RASSF3: variants seen among roughly 807,000 people sequenced by gnomAD.
RASSF3 encodes Ras association domain family member 3.
RASSF3 carries 19 observed loss-of-function variants against 19.9 expected under a neutral mutation model. That is an observed-to-expected ratio of 0.96 (90% confidence interval 0.67 to 1.40). RASSF3 has a LOEUF of 1.40. Ranked by LOEUF, RASSF3 falls within the 40% of genes most tolerant of loss-of-function variation. RASSF3 has a pLI of 0.00. For missense variants in RASSF3, 306 were observed against 289.8 expected (o/e 1.06, Z -0.41); for synonymous variants, 110 against 104.2 (o/e 1.06, Z -0.34).
chr12:64,559,027 G>A (rs1421790419), intron 2 of RASSF3, among the ~76,000 whole-genome samples: 1 of 152,078 alleles, frequency 6.6e-6, no homozygotes, highest in African/African-American at 2.4e-5. Flanking sequence ...TAGTCATACT[G>A]GTGATTGTGG....
At chr12:64,589,870 C>A (rs1049219993) in intron 2 of RASSF3, among the ~76,000 whole-genome samples, 1 of 151,762 alleles carries the variant, frequency 6.6e-6, no homozygotes, top group African/African-American at 2.4e-5. Flanking sequence ...GGCATGGTGG[C>A]ACGTGCCTGT....
intron 1 of RASSF3, chr12:64,622,379 A>G (rs1870808847): frequency 2.2e-6 from 1 of 462,798 alleles, no homozygotes; most frequent in African/African-American, 2.1e-5. Flanking sequence ...TTATTTTGTA[A>G]GTATACTAGG....
Position 64,678,197 on chromosome 12 carries a change from A to C in RASSF3, c.112-6590A>C, listed in dbSNP as rs118157024. On this transcript the variant is annotated intron_variant, in intron 1 of 4. Transcript: ENST00000542104. ...TGCTCCAATAAATGTGATGTTTTAC[A>C]TGTGAAAGGTGCTTGATGTTTTGCT... 6.7e-3 allele frequency among the ~76,000 whole-genome samples: 1,024 copies of C among 152,332 alleles called. 4 individuals are homozygous for C. Among genetic ancestry groups the C allele is most frequent in the Non-Finnish European group, 0.011 (760 of 68,030 alleles).
At chr12:64,536,200 C>T (rs1868824253) in intron 1 of RASSF3, among the ~76,000 whole-genome samples, 2 of 151,252 alleles carry the variant, frequency 1.3e-5, no homozygotes, top group South Asian at 4.2e-4. Context: ...GGGGTTTCAC[C>T]TTAGTAGTGA....
At chr12:64,520,555 C>T (rs61933216) in intron 1 of RASSF3, among the ~76,000 whole-genome samples, 110 of 86,338 alleles carry the variant, frequency 1.3e-3, no homozygotes, top group African/African-American at 3.1e-3. Flanking sequence ...CACATACACA[C>T]ATATATATAT....
chr12:64,658,524 A>T (rs1314544841), intron 1 of RASSF3, among the ~76,000 whole-genome samples: 1 of 152,230 alleles, frequency 6.6e-6, no homozygotes, highest in Non-Finnish European at 1.5e-5. Flanking sequence ...GAATTACGGC[A>T]GGCACAGTGG....
At chr12:64,645,018 G>C (rs1183351379) in intron 1 of RASSF3, among the ~76,000 whole-genome samples, 1 of 151,984 alleles carries the variant, frequency 6.6e-6, no homozygotes, top group Non-Finnish European at 1.5e-5. Context: ...CCATGATCAC[G>C]CCACTGCACT....
intron 2 of RASSF3, among the ~76,000 whole-genome samples, chr12:64,576,280 G>A (rs1038787744): frequency 3.3e-5 from 5 of 152,096 alleles, no homozygotes; most frequent in African/African-American, 1.2e-4. Context: ...CAAACGTGGT[G>A]CCCTTGAATG....
At chr12:64,545,957 G>A (rs1046462296), downstream of RASSF3, among the ~76,000 whole-genome samples, 2 of 151,836 alleles carry the variant, frequency 1.3e-5, no homozygotes, top group African/African-American at 4.8e-5. Flanking sequence ...TTAGCGGGAC[G>A]TGGCAGCAGG....
rs1026212728 is a variant in RASSF3 at position 64,586,922 on chromosome 12, C to CA, written c.294+45225dup. 1.6e-4 allele frequency among the ~76,000 whole-genome samples: 24 copies of CA among 149,910 alleles called. No individual in the cohort carries two copies. The East Asian group carries it at 2.4e-3, about 15-fold the overall frequency. On this transcript the variant is annotated intron_variant, in intron 2 of 5. Transcript: ENST00000637125. The stretch of plus-strand genomic sequence containing the variant: ...TGGGCAACAGAGCAAAACTCCATCT[C>CA]AAAAAAAAGAAAAAAGAAAAGTAAA...
At position 64,610,862 on chromosome 12, in the gene RASSF3, G is replaced by A. The variant is rs192424597; in HGVS notation, c.111+119G>A. The A allele has an allele frequency of 3.4e-3, 1,867 of 550,416 alleles. 31 individuals are homozygous for A. The African/African-American group carries it at 0.034, about 10-fold the overall frequency. The allele number at this position is 550,416 out of a possible 1,614,324, so 34.1% of individuals were successfully genotyped here. On this transcript the variant is annotated intron_variant, in intron 1 of 4. Coordinates refer to ENST00000542104, the MANE Select transcript of RASSF3 (RefSeq NM_178169.4). ...CGCTCGGGGGATGCTCGCCGGGAAG[G>A]AGGAGCGGGCCGAGAAGTGGCTTCT... is the stretch of plus-strand genomic sequence containing the variant.
At chr12:64,663,022 A>G (rs1038289635) in intron 1 of RASSF3, among the ~76,000 whole-genome samples, 1 of 152,212 alleles carries the variant, frequency 6.6e-6, no homozygotes, top group Admixed American at 6.5e-5. Context: ...GCCTTTTGTT[A>G]TAAAACGCAG....
intron 1 of RASSF3, among the ~76,000 whole-genome samples, chr12:64,664,477 G>C (rs1336249518): frequency 6.6e-6 from 1 of 152,124 alleles, no homozygotes; most frequent in East Asian, 1.9e-4. Context: ...CTAAGTGCTG[G>C]GATTACAGGC....
chr12:64,512,672 T>C (rs947191100), intron 1 of RASSF3, among the ~76,000 whole-genome samples: 1 of 152,128 alleles, frequency 6.6e-6, no homozygotes, highest in Non-Finnish European at 1.5e-5. Context: ...AAATCAATAG[T>C]TATTAGTCCC....
intron 2 of RASSF3, among the ~76,000 whole-genome samples, chr12:64,584,879 C>CTTTTTTTTTTTTTTTTTT (rs34522445): frequency 1.2e-5 from 1 of 80,798 alleles, no homozygotes; most frequent in Non-Finnish European, 2.2e-5. Context: ...CAGAAGGATT[C>CTTTTTTTTTTTTTTTTTT]TTTTTTTTTT....
chr12:64,652,537 T>C (rs1009917425), intron 1 of RASSF3, among the ~76,000 whole-genome samples: 15 of 152,086 alleles, frequency 9.9e-5, no homozygotes, highest in African/African-American at 3.4e-4. Flanking sequence ...TGTGATTTTA[T>C]AGACATTGTT....
At chr12:64,626,977 A>G (rs1565854079) in intron 1 of RASSF3, among the ~76,000 whole-genome samples, 1 of 152,190 alleles carries the variant, frequency 6.6e-6, no homozygotes, top group Non-Finnish European at 1.5e-5. Context: ...TCTGTTATTT[A>G]CTAGCTCTGG....
intron 1 of RASSF3, among the ~76,000 whole-genome samples, chr12:64,639,698 G>T (rs73319699): frequency 6.6e-6 from 1 of 152,102 alleles, no homozygotes; most frequent in African/African-American, 2.4e-5. Flanking sequence ...GATACCTGTT[G>T]GACTGGCTTT....
At chr12:64,538,558 A>G (rs1033584089) in intron 1 of RASSF3, among the ~76,000 whole-genome samples, 13 of 152,146 alleles carry the variant, frequency 8.5e-5, no homozygotes, top group Non-Finnish European at 7.3e-5. Flanking sequence ...CATTTCTTAC[A>G]ATTATAATAT....
Sources: gnomAD v4.1 joint callset for allele counts (sites outside exome capture counted in the v4.1 genomes callset) on GRCh38, gnomAD v4.1.1 for gene constraint, MANE v1.5 for transcripts, NCBI Gene and HGNC (gene_info 2026-07-23, HGNC 2026-07-21) for gene names.